ETV7: variants seen among roughly 807,000 people sequenced by gnomAD.
ETV7 encodes ETS variant transcription factor 7, also known as transcription factor ETV7.
In ETV7, 43 loss-of-function variants were observed where a neutral mutation model predicts 39.1. That is an observed-to-expected ratio of 1.10 (90% CI 0.86 to 1.42). ETV7 has a LOEUF of 1.42. Among genes scored for constraint, ETV7 ranks in the 40% most tolerant of loss-of-function variants. The pLI is 0.00. For missense variants in ETV7, 432 were observed against 442.3 expected (o/e 0.98, Z 0.21); for synonymous variants, 196 against 176.6 (o/e 1.11, Z -0.87).
At chr6:36,354,758 G>A in intron 7 of ETV7, 1 of 660,968 alleles carries the variant, frequency 1.5e-6, no homozygotes, top group Non-Finnish European at 2.7e-6. Flanking sequence ...AATTTAGGGA[G>A]TATTGCCATC....
Position 36,371,408 on chromosome 6 carries a change from C to A in ETV7, c.586G>T (p.Ala196Ser). Residue 196 changes from alanine (A) to serine (S), a missense_variant, in exon 5 of 8, where the codon GCA (alanine) becomes TCA (serine). Ala to Ser is a moderately conservative substitution (Grantham distance 99, BLOSUM62 1). Coordinates refer to ENST00000340181, the MANE Select transcript of ETV7 (RefSeq NM_016135.4). The stretch of plus-strand genomic sequence containing the variant: ...CCCTGGGTCCTGCAGCCGAGCTCTG[C>A]ACAGTGACATAAGTTGAGGGACTCC... ...KEESLNLCHC[A>S]ELGCRTQGVC... 6.2e-7 allele frequency: 1 copy of A among 1,603,188 alleles called. No individual in the cohort carries two copies.
chr6:36,376,972 G>A (rs1773405993), intron 2 of ETV7, among the ~76,000 whole-genome samples: 1 of 152,102 alleles, frequency 6.6e-6, no homozygotes, highest in Non-Finnish European at 1.5e-5. Context: ...AGGGGACAAA[G>A]GGAGCCTCCT....
downstream of ETV7, among the ~76,000 whole-genome samples, chr6:36,363,279 T>A (rs80196438): frequency 1.9e-4 from 28 of 146,086 alleles, no homozygotes; most frequent in Non-Finnish European, 2.5e-4. Flanking sequence ...TTCTTCCTTC[T>A]GGTGGGTTCG....
chr6:36,377,765 G>A (rs192751810), intron 2 of ETV7, among the ~76,000 whole-genome samples: 3 of 152,272 alleles, frequency 2.0e-5, no homozygotes, highest in East Asian at 1.9e-4. Context: ...CTAGGGACAC[G>A]GCACAGAACC....
chr6:36,375,325 C>T (rs1229852641), intron 3 of ETV7, among the ~76,000 whole-genome samples: 1 of 152,170 alleles, frequency 6.6e-6, no homozygotes, highest in Admixed American at 6.5e-5. Context: ...GAAGGCCCTG[C>T]TGCCCGCTAC....
Position 36,366,561 on chromosome 6 carries a change from G to A in ETV7, c.*84C>T, listed in dbSNP as rs1260343672. On this transcript the variant is annotated 3_prime_UTR_variant, in exon 8 of 8. Coordinates refer to ENST00000340181, the MANE Select transcript of ETV7 (RefSeq NM_016135.4). Reference sequence around the variant, plus strand: ...ACAGAGTCTGGCTGGGGATCCTGCTGCTCTGCTGGGAGGAGGAGTCTGCCT... The same window carrying A: ...ACAGAGTCTGGCTGGGGATCCTGCTACTCTGCTGGGAGGAGGAGTCTGCCT... 8.1e-6 allele frequency: 13 copies of A among 1,599,874 alleles called. No homozygotes were observed. The highest frequency in any genetic ancestry group is 1.0e-5 in the Non-Finnish European group (12 of 1,172,410).
intron 1 of ETV7, among the ~76,000 whole-genome samples, chr6:36,386,597 A>T (rs1425011283): frequency 6.6e-6 from 1 of 152,172 alleles, no homozygotes; most frequent in Non-Finnish European, 1.5e-5. Flanking sequence ...GTCATTTTTC[A>T]CTCTAGGATT....
chr6:36,375,463 A>T (rs1052641651), intron 3 of ETV7, among the ~76,000 whole-genome samples: 1 of 152,132 alleles, frequency 6.6e-6, no homozygotes, highest in Non-Finnish European at 1.5e-5. Context: ...GTCATATTGG[A>T]AGTCAAGGAT....
intron 2 of ETV7, among the ~76,000 whole-genome samples, chr6:36,377,830 G>A (rs760663491): frequency 1.6e-4 from 24 of 152,130 alleles, no homozygotes; most frequent in Admixed American, 3.9e-4. Flanking sequence ...TAGTCCTCCC[G>A]ACGGCACACA....
chr6:36,367,136 G>A (rs1445140456), intron 6 of ETV7, among the ~76,000 whole-genome samples, 161 bp from the exon 7 acceptor site: 7 of 152,062 alleles, frequency 4.6e-5, no homozygotes, highest in Non-Finnish European at 1.0e-4. Context: ...AAAAAGGCAG[G>A]GGAAGGTTGG....
chr6:36,363,430 C>A (rs1396891186), downstream of ETV7, among the ~76,000 whole-genome samples: 1 of 152,076 alleles, frequency 6.6e-6, no homozygotes, highest in African/African-American at 2.4e-5. Context: ...CAGACCTTCA[C>A]GGTGAGTGTT....
chr6:36,364,298 A>G (rs1772634785), downstream of ETV7, among the ~76,000 whole-genome samples: 2 of 152,142 alleles, frequency 1.3e-5, no homozygotes, highest in African/African-American at 4.8e-5. Context: ...CTCGTCGGGG[A>G]GGCTCAGGCC....
chr6:36,373,098 C>T (rs760940182), intron 4 of ETV7, among the ~76,000 whole-genome samples: 5 of 151,850 alleles, frequency 3.3e-5, no homozygotes, highest in Non-Finnish European at 7.4e-5. Context: ...TCAAAGGCTG[C>T]GAGAGACCAC....
intron 2 of ETV7, among the ~76,000 whole-genome samples, chr6:36,378,345 C>T (rs1773481803): frequency 6.6e-6 from 1 of 151,518 alleles, no homozygotes; most frequent in Non-Finnish European, 1.5e-5. Flanking sequence ...AGATTAAAGG[C>T]ATAAAGAATA....
At chr6:36,359,359 G>C (rs1772417037) in intron 7 of ETV7, among the ~76,000 whole-genome samples, 1 of 151,908 alleles carries the variant, frequency 6.6e-6, no homozygotes, top group Non-Finnish European at 1.5e-5. Flanking sequence ...GCTGAGGCAG[G>C]AGGACCACTT....
chr6:36,359,592 G>A (rs1235093587), intron 7 of ETV7, among the ~76,000 whole-genome samples: 1 of 152,016 alleles, frequency 6.6e-6, no homozygotes, highest in East Asian at 1.9e-4. Flanking sequence ...TTTAAATTTG[G>A]CCCCTCTCAC....
chr6:36,364,411 C>T (rs888174163), downstream of ETV7, among the ~76,000 whole-genome samples: 9 of 152,366 alleles, frequency 5.9e-5, no homozygotes, highest in African/African-American at 1.2e-4. Context: ...AGAAATCGAG[C>T]GCAGCGCCGG....
chr6:36,356,456 C>A (rs1289715131), intron 7 of ETV7, among the ~76,000 whole-genome samples: 1 of 152,084 alleles, frequency 6.6e-6, no homozygotes, highest in African/African-American at 2.4e-5. Flanking sequence ...CCGAGAGCCC[C>A]AAGATTAGAA....
At chr6:36,374,212 G>T (rs1773188009) in intron 3 of ETV7, among the ~76,000 whole-genome samples, 1 of 151,966 alleles carries the variant, frequency 6.6e-6, no homozygotes, top group Non-Finnish European at 1.5e-5. Flanking sequence ...TTAAAAATCA[G>T]CTGGGTATGG....
Sources: allele counts gnomAD v4.1 joint callset (sites outside exome capture counted in the v4.1 genomes callset), GRCh38; gene constraint gnomAD v4.1.1; transcripts MANE v1.5; gene names NCBI Gene and HGNC (gene_info 2026-07-23, HGNC 2026-07-21).